The following NYAP2 variants were observed in gnomAD, a reference collection of about 807,000 sequenced individuals.
The protein encoded by NYAP2 is neuronal tyrosine-phosphorylated phosphoinositide-3-kinase adaptor 2, also known as neuronal tyrosine-phosphorylated phosphoinositide-3-kinase adapter 2.
Under a neutral mutation model 50.4 loss-of-function variants are expected in NYAP2, and 23 were observed. That is an observed-to-expected ratio of 0.46 (90% CI 0.33 to 0.65). NYAP2 has a LOEUF of 0.65. NYAP2 is among the 30% of genes least tolerant of loss of function. NYAP2 has a pLI of 0.02. For missense variants in NYAP2, 885 were observed against 861.0 expected (o/e 1.03, Z -0.35); for synonymous variants, 394 against 365.2 (o/e 1.08, Z -0.90).
the NYAP2 span, among the ~76,000 whole-genome samples, chr2:225,679,746 G>C: frequency 6.6e-6 from 1 of 151,990 alleles, no homozygotes; most frequent in East Asian, 1.9e-4. Flanking sequence ...GCCTGCCTCG[G>C]CCTCCCAAAG....
At chr2:225,669,557 A>G in the NYAP2 span, among the ~76,000 whole-genome samples, 1 of 151,748 alleles carries the variant, frequency 6.6e-6, no homozygotes, top group African/African-American at 2.4e-5. Flanking sequence ...TTTAGTGAGA[A>G]AAAAAAGGAA....
chr2:225,542,738 T>G (rs1691498829), intron 4 of NYAP2, among the ~76,000 whole-genome samples: 1 of 152,114 alleles, frequency 6.6e-6, no homozygotes. Flanking sequence ...TTTCTTTTTT[T>G]GATGCATCTT....
chr2:225,596,612 AT>A (rs886818085), intron 5 of NYAP2, among the ~76,000 whole-genome samples: 8 of 152,168 alleles, frequency 5.3e-5, no homozygotes, highest in African/African-American at 9.6e-5. Flanking sequence ...TCTAAAGCTA[AT>A]TTTTTTTAAA....
At chr2:225,448,433 A>G (rs1689597604) in intron 3 of NYAP2, among the ~76,000 whole-genome samples, 1 of 152,230 alleles carries the variant, frequency 6.6e-6, no homozygotes, top group Non-Finnish European at 1.5e-5. Flanking sequence ...TTATTGAAGC[A>G]GCTACCTCTC....
chr2:225,481,392 C>T (rs973492344), intron 3 of NYAP2, among the ~76,000 whole-genome samples: 1 of 152,028 alleles, frequency 6.6e-6, no homozygotes, highest in African/African-American at 2.4e-5. Flanking sequence ...GATAATAATA[C>T]TCTCTAAAGT....
chr2:225,407,701 A>C (rs10167138), intron 2 of NYAP2, among the ~76,000 whole-genome samples: 10 of 151,992 alleles, frequency 6.6e-5, no homozygotes, highest in African/African-American at 1.9e-4. Context: ...GTAAAGAAAG[A>C]AAAACATGCA....
the NYAP2 span, among the ~76,000 whole-genome samples, chr2:225,675,277 A>G: frequency 6.6e-6 from 1 of 152,026 alleles, no homozygotes; most frequent in Non-Finnish European, 1.5e-5. Flanking sequence ...GCATTTCTTC[A>G]GCTCACACCC....
chr2:225,678,637 A>G, the NYAP2 span, among the ~76,000 whole-genome samples: 1 of 152,162 alleles, frequency 6.6e-6, no homozygotes, highest in Non-Finnish European at 1.5e-5. Context: ...TAAAGAGAGT[A>G]AAAATAAAAA....
intron 6 of NYAP2, among the ~76,000 whole-genome samples, chr2:225,628,826 T>C (rs1032176270): frequency 6.6e-6 from 1 of 152,144 alleles, no homozygotes; most frequent in Non-Finnish European, 1.5e-5. Flanking sequence ...AGAAGCATTC[T>C]CTGGGTTTCT....
chr2:225,561,545 A>G (rs1447015238), intron 4 of NYAP2, among the ~76,000 whole-genome samples: 1 of 152,126 alleles, frequency 6.6e-6, no homozygotes, highest in East Asian at 1.9e-4. Context: ...GCTGTACTCC[A>G]GGCCCTTGGA....
chr2:225,668,685 C>T, the NYAP2 span, among the ~76,000 whole-genome samples: 6 of 152,108 alleles, frequency 3.9e-5, no homozygotes, highest in Admixed American at 1.3e-4. Context: ...TGGCAGATCT[C>T]GGCCTTGAAC....
At chr2:225,658,486 T>TTGGATC (rs1355643754), downstream of NYAP2, among the ~76,000 whole-genome samples, 1 of 152,192 alleles carries the variant, frequency 6.6e-6, no homozygotes, top group Non-Finnish European at 1.5e-5. Flanking sequence ...ACCAAAGAAT[T>TTGGATC]TGGATCTAGC....
intron 3 of NYAP2, among the ~76,000 whole-genome samples, chr2:225,490,257 G>C (rs1048183754): frequency 6.6e-6 from 1 of 152,062 alleles, no homozygotes; most frequent in Non-Finnish European, 1.5e-5. Context: ...ATCCCATTCT[G>C]TTCTCTTCTA....
chr2:225,674,903 T>A, the NYAP2 span, among the ~76,000 whole-genome samples: 56 of 152,192 alleles, frequency 3.7e-4, no homozygotes, highest in African/African-American at 1.3e-3. Context: ...TCCAGTAACA[T>A]ACTGATTTTA....
At chr2:225,426,267 T>C (rs1464404275) in intron 3 of NYAP2, among the ~76,000 whole-genome samples, 3 of 152,172 alleles carry the variant, frequency 2.0e-5, no homozygotes, top group African/African-American at 7.2e-5. Flanking sequence ...GCTGTGTGAT[T>C]ACGGACAAAT....
chr2:225,585,813 A>C (rs1391179130), intron 5 of NYAP2, among the ~76,000 whole-genome samples: 1 of 152,228 alleles, frequency 6.6e-6, no homozygotes, highest in Non-Finnish European at 1.5e-5. Context: ...TCTTTTCATA[A>C]TGCAAAACAT....
chr2:225,437,085 T>TA (rs1484630634), intron 3 of NYAP2, among the ~76,000 whole-genome samples: 2 of 151,992 alleles, frequency 1.3e-5, no homozygotes, highest in African/African-American at 4.8e-5. Flanking sequence ...ATCATATATA[T>TA]ATATATATGT....
rs184061191 is a variant in NYAP2 at position 225,544,193 on chromosome 2, G to A, written c.523+30521G>A. 8.1e-3 allele frequency among the ~76,000 whole-genome samples: 1,190 copies of A among 147,766 alleles called. 12 individuals carry two copies. The highest frequency in any genetic ancestry group is 0.028 in the Middle Eastern group (8 of 282). On this transcript the variant is annotated intron_variant, in intron 4 of 6. Coordinates refer to ENST00000636099, the Ensembl canonical transcript of NYAP2. The stretch of plus-strand genomic sequence containing the variant: ...ATGTGTATCTTTATAGGTGAAATGT[G>A]TTTCTTATAGAAAGCAGATGATTGG...
At position 225,624,913 on chromosome 2, in the gene NYAP2, C is replaced by T. The variant is rs183455664; in HGVS notation, c.1619-2004C>T. On this transcript the variant is annotated intron_variant, in intron 5 of 6. Transcript: ENST00000636099. Reference sequence around the variant, plus strand: ...TTGCAAAGCTGAGGCCTCTGAGATTCCTGACCCGGACTGCTCAATATATGA... The same window carrying T: ...TTGCAAAGCTGAGGCCTCTGAGATTTCTGACCCGGACTGCTCAATATATGA... Among the ~76,000 whole-genome samples the T allele has an allele frequency of 5.9e-3, 896 of 151,984 alleles. 3 individuals carry two copies. The highest frequency in any genetic ancestry group is 9.1e-3 in the Non-Finnish European group (618 of 67,962).
Sources: allele counts gnomAD v4.1 joint callset (sites outside exome capture counted in the v4.1 genomes callset), GRCh38; gene constraint gnomAD v4.1.1; transcripts MANE v1.5; gene names NCBI Gene and HGNC (gene_info 2026-07-23, HGNC 2026-07-21).